The following MPPED2 variants were observed in gnomAD, a reference collection of about 807,000 sequenced individuals.
The protein encoded by MPPED2 is metallophosphoesterase MPPED2.
MPPED2 carries 5 observed loss-of-function variants against 33.0 expected under a neutral mutation model. The observed-to-expected ratio is 0.15, with a 90% confidence interval of 0.08 to 0.32. The LOEUF is 0.32. Ranked by LOEUF, MPPED2 falls within the 10% of genes least tolerant of loss-of-function variation. The pLI is 1.00. For missense variants in MPPED2, 275 were observed against 372.1 expected (o/e 0.74, Z 2.15); for synonymous variants, 136 against 141.9 (o/e 0.96, Z 0.29).
At chr11:30,393,618 T>A (rs571698255) in intron 6 of MPPED2, among the ~76,000 whole-genome samples, 1 of 152,296 alleles carries the variant, frequency 6.6e-6, no homozygotes, top group East Asian at 1.9e-4. Flanking sequence ...AACTTCATCC[T>A]CTGTGCCTAA....
At chr11:30,567,501 T>C (rs748987194) in intron 2 of MPPED2, among the ~76,000 whole-genome samples, 2 of 152,280 alleles carry the variant, frequency 1.3e-5, no homozygotes, top group East Asian at 1.9e-4. Flanking sequence ...GTGCTTTTTT[T>C]CCAGCTCCCA....
intron 2 of MPPED2, among the ~76,000 whole-genome samples, chr11:30,553,234 C>A (rs77208012): frequency 6.6e-6 from 1 of 152,088 alleles, no homozygotes; most frequent in Non-Finnish European, 1.5e-5. Context: ...TAACAGACCA[C>A]GTTCATTATA....
chr11:30,505,421 T>C (rs1565134342), intron 3 of MPPED2, among the ~76,000 whole-genome samples: 1 of 152,212 alleles, frequency 6.6e-6, no homozygotes, highest in Non-Finnish European at 1.5e-5. Flanking sequence ...CAAATCAACA[T>C]GGCATGTTCT....
intron 3 of MPPED2, among the ~76,000 whole-genome samples, chr11:30,515,913 G>T (rs1487535759): frequency 6.6e-6 from 1 of 152,158 alleles, no homozygotes; most frequent in Non-Finnish European, 1.5e-5. Flanking sequence ...TGACTCTAAA[G>T]AGTTAAAATA....
chr11:30,512,548 C>G (rs1953276791), intron 3 of MPPED2, among the ~76,000 whole-genome samples: 1 of 152,040 alleles, frequency 6.6e-6, no homozygotes, highest in South Asian at 2.1e-4. Flanking sequence ...AAAGTTTTAC[C>G]CCACAACACC....
intron 2 of MPPED2, among the ~76,000 whole-genome samples, chr11:30,571,584 T>C (rs902393923): frequency 2.0e-5 from 3 of 152,184 alleles, no homozygotes; most frequent in Non-Finnish European, 4.4e-5. Flanking sequence ...CATGCTAGGA[T>C]AGCTACTTAA....
intron 2 of MPPED2, among the ~76,000 whole-genome samples, chr11:30,573,304 A>T (rs573221001): frequency 6.6e-6 from 1 of 152,196 alleles, no homozygotes. Flanking sequence ...TGCCAGTGGT[A>T]TAAAGTATAG....
At position 30,411,207 on chromosome 11, in the gene MPPED2, G is replaced by A. The variant is rs895340289; in HGVS notation, c.*261C>T. 1.1e-4 allele frequency: 120 copies of A among 1,096,612 alleles called. No homozygotes were observed. Among genetic ancestry groups the A allele is most frequent in the Non-Finnish European group, 1.1e-4 (99 of 901,526 alleles). The allele number at this position is 1,096,612 out of a possible 1,614,324, so 67.9% of individuals were successfully genotyped here. A position where few individuals can be genotyped will look rare whatever the true frequency, so the allele number is the denominator to read the frequency against. ...AAAGAAAGCTTGGCTGTCCTTTGGC[G>A]AACACTAACAATTTACAATGGCATG... On this transcript the variant is annotated 3_prime_UTR_variant, in exon 7 of 7. Coordinates refer to ENST00000358117, the MANE Select transcript of MPPED2 (RefSeq NM_001584.3).
chr11:30,583,138 T>TTTTC lies in MPPED2; in HGVS notation c.-121-2645_-121-2644insGAAA, dbSNP rs1386295268. ...AACACCTGGAAAAGACTTTTTCTTT[T>TTTTC]TTTTTTTTTTTTTTTTTTTTTTTTT... On this transcript the variant is annotated intron_variant, in intron 1 of 6. Transcript: ENST00000358117. Among the ~76,000 whole-genome samples, 7 of 32,952 alleles carry TTTTC rather than the reference T, an allele frequency of 2.1e-4. No homozygotes were observed. The South Asian group carries it at 3.7e-3, about 17-fold the overall frequency. The allele number at this position is 32,952 out of a possible 152,430, so 21.6% of individuals were successfully genotyped here. A position where few individuals can be genotyped will look rare whatever the true frequency, so the allele number is the denominator to read the frequency against.
chr11:30,394,227 T>C (rs1336937015), intron 6 of MPPED2, among the ~76,000 whole-genome samples: 1 of 152,236 alleles, frequency 6.6e-6, no homozygotes, highest in Admixed American at 6.5e-5. Context: ...AGAGATACTA[T>C]AAGCATTTGT....
intron 2 of MPPED2, among the ~76,000 whole-genome samples, chr11:30,538,706 G>A (rs1303854539): frequency 2.6e-5 from 4 of 151,634 alleles, no homozygotes; most frequent in Admixed American, 6.6e-5. Flanking sequence ...AAAGTAGACA[G>A]CAAGACAAGC....
intron 4 of MPPED2, among the ~76,000 whole-genome samples, chr11:30,436,322 A>AAAG (rs4068743): frequency 2.6e-5 from 4 of 151,542 alleles, no homozygotes; most frequent in Admixed American, 6.6e-5. Context: ...CAAACTTTAG[A>AAAG]CATCAGTCAC....
At chr11:30,422,803 G>T (rs532163553) in intron 4 of MPPED2, among the ~76,000 whole-genome samples, 7 of 152,156 alleles carry the variant, frequency 4.6e-5, no homozygotes, top group Admixed American at 6.5e-5. Flanking sequence ...ATTTGAGCCT[G>T]CAACCTCTCC....
At chr11:30,406,294 A>G (rs1238855942), downstream of MPPED2, among the ~76,000 whole-genome samples, 5 of 152,174 alleles carry the variant, frequency 3.3e-5, no homozygotes, top group African/African-American at 1.2e-4. Flanking sequence ...TCCATCTTTG[A>G]TTATTTCTGA....
At chr11:30,579,355 C>A (rs1957067282) in intron 2 of MPPED2, among the ~76,000 whole-genome samples, 2 of 152,048 alleles carry the variant, frequency 1.3e-5, no homozygotes, top group Non-Finnish European at 2.9e-5. Flanking sequence ...CTTGACTATA[C>A]AATAGTTTTC....
At chr11:30,417,714 C>G (rs1447770622) in intron 4 of MPPED2, 81 bp from the exon 5 acceptor site, 2 of 808,724 alleles carry the variant, frequency 2.5e-6, no homozygotes. Context: ...CGCACATTCC[C>G]CCACGGTTTG....
intron 4 of MPPED2, among the ~76,000 whole-genome samples, chr11:30,423,541 G>T (rs1200679139): frequency 1.3e-5 from 2 of 152,196 alleles, no homozygotes; most frequent in Non-Finnish European, 2.9e-5. Flanking sequence ...ACGAGCACCT[G>T]CAGGCTCTTT....
intron 4 of MPPED2, among the ~76,000 whole-genome samples, chr11:30,428,752 G>T (rs571649140): frequency 6.6e-6 from 1 of 152,086 alleles, no homozygotes; most frequent in South Asian, 2.1e-4. Context: ...AACCATACAC[G>T]TATGTTGTGC....
At chr11:30,564,096 C>T (rs1312477175) in intron 2 of MPPED2, among the ~76,000 whole-genome samples, 1 of 152,182 alleles carries the variant, frequency 6.6e-6, no homozygotes, top group Non-Finnish European at 1.5e-5. Context: ...TATGTCTTAA[C>T]CTTTTCTCAA....
Sources: gnomAD v4.1 joint callset for allele counts (sites outside exome capture counted in the v4.1 genomes callset) on GRCh38, gnomAD v4.1.1 for gene constraint, MANE v1.5 for transcripts, NCBI Gene and HGNC (gene_info 2026-07-23, HGNC 2026-07-21) for gene names.